GPC5: variants seen among roughly 807,000 people sequenced by gnomAD.
GPC5 encodes glypican 5.
A neutral mutation model predicts 53.9 loss-of-function variants in GPC5; 47 were observed. The observed-to-expected ratio is 0.87, with a 90% CI of 0.69 to 1.11. The LOEUF (loss-of-function observed/expected upper bound fraction) is 1.11. Ranked by LOEUF, GPC5 falls within the 50% of genes most tolerant of loss-of-function variation. The pLI is 0.00. For synonymous variants in GPC5, 286 were observed against 263.3 expected (o/e 1.09, Z -0.84); for missense variants, 748 against 713.1 (o/e 1.05, Z -0.56).
intron 7 of GPC5, among the ~76,000 whole-genome samples, chr13:92,543,509 A>G (rs1881998467): frequency 6.6e-6 from 1 of 152,016 alleles, no homozygotes. Context: ...AAAGTAGGGT[A>G]CTGCTTCAGC....
intron 6 of GPC5, among the ~76,000 whole-genome samples, chr13:92,140,876 A>G (rs2041825545): frequency 6.6e-6 from 1 of 152,202 alleles, no homozygotes; most frequent in Non-Finnish European, 1.5e-5. Context: ...GAGGTGAACT[A>G]CAGAGAAAAA....
chr13:91,573,238 G>A (rs2032003408), intron 2 of GPC5, among the ~76,000 whole-genome samples: 1 of 152,134 alleles, frequency 6.6e-6, no homozygotes, highest in African/African-American at 2.4e-5. Context: ...CTCATAGACA[G>A]GCTCCTTTGT....
chr13:92,279,706 A>T (rs565000384), intron 7 of GPC5, among the ~76,000 whole-genome samples: 14 of 152,170 alleles, frequency 9.2e-5, no homozygotes, highest in African/African-American at 3.1e-4. Context: ...TTCTAAAAAT[A>T]CATTGTGTTA....
At chr13:91,830,177 A>G (rs1296131602) in intron 5 of GPC5, among the ~76,000 whole-genome samples, 1 of 152,034 alleles carries the variant, frequency 6.6e-6, no homozygotes, top group African/African-American at 2.4e-5. Context: ...CCAGGCACGT[A>G]TTCTCTTTCC....
rs80111376 is a variant in GPC5, at chr13:92,390,541, C to A, written c.1561+245552C>A. On this transcript the variant is annotated intron_variant, in intron 7 of 7. Coordinates refer to ENST00000377067, the MANE Select transcript of GPC5 (RefSeq NM_004466.6). ...TGCCTTTTATGGGTTTGTGGTCAAGCGAGTTTAAACACCTGGTGCTTTTTA... is the reference window on the plus strand; with the variant it reads ...TGCCTTTTATGGGTTTGTGGTCAAGAGAGTTTAAACACCTGGTGCTTTTTA... Among the ~76,000 whole-genome samples the A allele has an allele frequency of 5.2e-4, 79 of 152,156 alleles. No individual in the cohort carries two copies. In the East Asian group the frequency reaches 0.015, roughly 28 times the overall value.
intron 7 of GPC5, among the ~76,000 whole-genome samples, chr13:92,385,714 T>C (rs940767110): frequency 5.1e-5 from 7 of 138,340 alleles, no homozygotes; most frequent in African/African-American, 1.5e-4. Context: ...TATATACACA[T>C]ATATACATAT....
intron 2 of GPC5, among the ~76,000 whole-genome samples, chr13:91,545,993 G>C (rs1334469823): frequency 6.6e-6 from 1 of 151,840 alleles, no homozygotes; most frequent in Non-Finnish European, 1.5e-5. Context: ...TATCACTGTG[G>C]ATTATCATCT....
chr13:92,171,503 T>C (rs1278516982), intron 7 of GPC5, among the ~76,000 whole-genome samples: 1 of 152,176 alleles, frequency 6.6e-6, no homozygotes, highest in Non-Finnish European at 1.5e-5. Context: ...GTTCTTGATA[T>C]TCTTTTGCTC....
chr13:91,448,060 T>C (rs1402802074), intron 1 of GPC5, among the ~76,000 whole-genome samples: 1 of 152,210 alleles, frequency 6.6e-6, no homozygotes, highest in East Asian at 1.9e-4. Context: ...TTTGTAACCA[T>C]AACTCTTACA....
chr13:91,416,239 C>A (rs570852065), intron 1 of GPC5, among the ~76,000 whole-genome samples: 3 of 152,114 alleles, frequency 2.0e-5, no homozygotes, highest in African/African-American at 7.2e-5. Context: ...TTTTTAAGAA[C>A]CCTCATTAAG....
At chr13:91,812,075 A>G (rs1056966330) in intron 5 of GPC5, among the ~76,000 whole-genome samples, 2 of 152,224 alleles carry the variant, frequency 1.3e-5, no homozygotes, top group African/African-American at 4.8e-5. Flanking sequence ...CTGACTGTGA[A>G]TAAAGTGGCA....
intron 2 of GPC5, among the ~76,000 whole-genome samples, chr13:91,582,669 AATTATGGC>A (rs1230212673): frequency 1.1e-4 from 17 of 152,178 alleles, no homozygotes; most frequent in East Asian, 3.8e-4. Flanking sequence ...AAAGGAGGGC[AATTATGGC>A]ATCCTGTCAA....
intron 7 of GPC5, among the ~76,000 whole-genome samples, chr13:92,329,645 T>C (rs1341409094): frequency 6.6e-6 from 1 of 152,198 alleles, no homozygotes; most frequent in Non-Finnish European, 1.5e-5. Flanking sequence ...ATTCAAATAG[T>C]ATAAAAGTTA....
At chr13:92,440,507 G>A (rs1157965489) in intron 7 of GPC5, among the ~76,000 whole-genome samples, 1 of 152,080 alleles carries the variant, frequency 6.6e-6, no homozygotes, top group East Asian at 1.9e-4. Flanking sequence ...ACCATCAATG[G>A]GCATCTAAGT....
chr13:91,424,610 A>C (rs1594070822), intron 1 of GPC5, among the ~76,000 whole-genome samples: 1 of 151,390 alleles, frequency 6.6e-6, no homozygotes, highest in Non-Finnish European at 1.5e-5. Flanking sequence ...CAGGTGATCC[A>C]CCCGCCTCGG....
chr13:92,827,712 C>T (rs16947935), intron 7 of GPC5, among the ~76,000 whole-genome samples: 20,914 of 152,056 alleles, frequency 0.14, 1,590 homozygotes, highest in African/African-American at 0.2. Flanking sequence ...TTGATGACAT[C>T]ATTGGAAGCT....
At chr13:92,387,106 T>C (rs1424081820) in intron 7 of GPC5, among the ~76,000 whole-genome samples, 2 of 152,218 alleles carry the variant, frequency 1.3e-5, no homozygotes, top group East Asian at 3.9e-4. Context: ...CAACTTGAGA[T>C]GGTTTGACTT....
intron 7 of GPC5, among the ~76,000 whole-genome samples, chr13:92,540,323 G>T (rs1881893101): frequency 2.0e-5 from 3 of 151,908 alleles, no homozygotes; most frequent in Admixed American, 2.0e-4. Context: ...AGCTGCATGA[G>T]ATGTGCCTTA....
chr13:91,756,631 T>C (rs1325834001), intron 5 of GPC5, among the ~76,000 whole-genome samples: 1 of 151,920 alleles, frequency 6.6e-6, no homozygotes. Flanking sequence ...CTGTGGTATT[T>C]TGAAAGTCTT....
Sources: gnomAD v4.1 joint callset for allele counts (sites outside exome capture counted in the v4.1 genomes callset) on GRCh38, gnomAD v4.1.1 for gene constraint, MANE v1.5 for transcripts, NCBI Gene and HGNC (gene_info 2026-07-23, HGNC 2026-07-21) for gene names.